KLHDC2: variants seen among roughly 807,000 people sequenced by gnomAD.
KLHDC2 encodes the protein kelch domain containing 2.
Under a neutral mutation model 62.3 loss-of-function variants are expected in KLHDC2, and 38 were observed. The observed-to-expected ratio is 0.61, with a 90% CI of 0.47 to 0.80. The LOEUF (loss-of-function observed/expected upper bound fraction) is 0.80, where lower values mean the gene tolerates loss of function less well. KLHDC2 is among the 30% of genes least tolerant of loss of function. The pLI is 0.00. For missense variants in KLHDC2, 430 were observed against 495.3 expected (o/e 0.87, Z 1.25); for synonymous variants, 159 against 161.0 (o/e 0.99, Z 0.09).
Position 49,783,768 on chromosome 14 carries a change from G to C in KLHDC2, c.*815G>C, listed in dbSNP as rs1890028388. On this transcript the variant is annotated 3_prime_UTR_variant, in exon 13 of 13. Coordinates refer to ENST00000298307, the MANE Select transcript of KLHDC2 (RefSeq NM_014315.3). The stretch of plus-strand genomic sequence containing the variant: ...AATCAGATTACAAGGAAAAAATTAA[G>C]ATCAAACCTGAAGGTCTACAAATGA... The C allele has an allele frequency of 6.6e-6, 1 of 152,020 alleles. No homozygotes were observed. The highest frequency in any genetic ancestry group is 2.1e-4 in the South Asian group (1 of 4,826). The allele number at this position is 152,020 out of a possible 1,614,324, so 9.4% of individuals were successfully genotyped here.
chr14:49,783,058 C>T lies in KLHDC2; in HGVS notation c.*105C>T. On this transcript the variant is annotated 3_prime_UTR_variant, in exon 13 of 13. Transcript: ENST00000298307. ...TTATATGCATTGTTGTAGTTTGCAC[C>T]TGTTGGTTTTAATGTGCATGTGAAT... is the stretch of plus-strand genomic sequence containing the variant. 1 of 1,256,962 alleles carries T rather than the reference C, an allele frequency of 8.0e-7. No individual in the cohort carries two copies. Among genetic ancestry groups the T allele is most frequent in the Non-Finnish European group, 1.1e-6 (1 of 917,192 alleles). 77.9% of individuals were successfully genotyped at this position (1,256,962 alleles called of 1,614,324 possible). A position where few individuals can be genotyped will look rare whatever the true frequency, so the allele number is the denominator to read the frequency against.
intron 8 of KLHDC2, 177 bp downstream of exon 8, chr14:49,779,983 T>C: frequency 1.6e-6 from 1 of 623,664 alleles, no homozygotes; most frequent in Non-Finnish European, 2.8e-6. Context: ...CCTGTAACTA[T>C]GTGCCTAGTA....
chr14:49,774,513 T>G (rs751094364), intron 2 of KLHDC2, 48 bp from the exon 3 acceptor site: 1 of 1,141,054 alleles, frequency 8.8e-7, no homozygotes, highest in Non-Finnish European at 1.3e-6. Context: ...AATAGACTTT[T>G]GCATTTCTTC....
chr14:49,771,494 A>G, intron 1 of KLHDC2, 100 bp from the exon 2 acceptor site: 1 of 632,094 alleles, frequency 1.6e-6, no homozygotes, highest in Non-Finnish European at 2.9e-6. Flanking sequence ...CCTATTTTTC[A>G]TACTAATTAT....
intron 3 of KLHDC2, among the ~76,000 whole-genome samples, chr14:49,777,011 A>G (rs531337850): frequency 5.9e-5 from 9 of 152,174 alleles, no homozygotes; most frequent in Non-Finnish European, 1.0e-4. Flanking sequence ...CCCACCAATC[A>G]ACAAGTGGAT....
Position 49,782,369 on chromosome 14 carries a change from G to T in KLHDC2, c.957-1G>T, listed in dbSNP as rs1477532260. 4 of 1,606,020 alleles carry T rather than the reference G, an allele frequency of 2.5e-6. No individual in the cohort carries two copies. The highest frequency in any genetic ancestry group is 3.4e-6 in the Non-Finnish European group (4 of 1,175,280). ...CAAACTCGTTTTTGTTTTAAATGCA[G>T]GTTATGGCACACAGCTTGTGCCAGC... is the stretch of plus-strand genomic sequence containing the variant. On this transcript the variant is annotated splice_acceptor_variant, in intron 10 of 12. Transcript: ENST00000298307. LOFTEE classifies it high-confidence loss of function.
chr14:49,780,151 AAACTT>A (rs1889858944), intron 8 of KLHDC2, 57 bp from the exon 9 acceptor site: 2 of 1,097,160 alleles, frequency 1.8e-6, no homozygotes, highest in Non-Finnish European at 2.7e-6. Context: ...TTTTAAAAGA[AAACTT>A]AAAAATACAG....
chr14:49,771,507 AATT>A lies in KLHDC2; in HGVS notation c.154-85_154-83del, dbSNP rs374959759. On this transcript the variant is annotated intron_variant, in intron 1 of 12. Coordinates refer to ENST00000298307, the MANE Select transcript of KLHDC2 (RefSeq NM_014315.3). ...TACCTATTTTTCATACTAATTATGA[AATT>A]AGTATCTCAAGATCGATTTAAAAAA... The A allele has an allele frequency of 3.5e-3, 2,323 of 665,086 alleles. 14 individuals carry two copies. The highest frequency in any genetic ancestry group is 4.9e-3 in the South Asian group (277 of 56,066). The allele number at this position is 665,086 out of a possible 1,614,324, so 41.2% of individuals were successfully genotyped here. A position where few individuals can be genotyped will look rare whatever the true frequency, so the allele number is the denominator to read the frequency against.
rs1321485042 is a variant in KLHDC2, at chr14:49,783,539, T to TTTAA, written c.*592_*595dup. The stretch of plus-strand genomic sequence containing the variant: ...TGTCCAGTCAATTAAAAAGTTTTTT[T>TTTAA]TTAATTAATAGGTTTTATAGCTCAT... On this transcript the variant is annotated 3_prime_UTR_variant, in exon 13 of 13. Transcript: ENST00000298307. 5.9e-5 allele frequency: 9 copies of TTTAA among 152,164 alleles called. No homozygotes were observed. Among genetic ancestry groups the TTTAA allele is most frequent in the African/African-American group, 1.4e-4 (6 of 41,428 alleles). 9.4% of individuals were successfully genotyped at this position (152,164 alleles called of 1,614,324 possible).
intron 2 of KLHDC2, among the ~76,000 whole-genome samples, chr14:49,773,868 G>A (rs572474641): frequency 2.6e-5 from 4 of 152,110 alleles, no homozygotes; most frequent in South Asian, 4.1e-4. Context: ...GAGCCACCGC[G>A]CCCAGCCAAA....
At chr14:49,776,733 A>G (rs1189110068) in intron 3 of KLHDC2, among the ~76,000 whole-genome samples, 1 of 152,058 alleles carries the variant, frequency 6.6e-6, no homozygotes, top group African/African-American at 2.4e-5. Flanking sequence ...AGCCTGGCCA[A>G]CATGACAAAA....
chr14:49,785,291 C>G lies in KLHDC2; in HGVS notation c.*2338C>G. On this transcript the variant is annotated 3_prime_UTR_variant, in exon 13 of 13. Coordinates refer to ENST00000298307, the MANE Select transcript of KLHDC2 (RefSeq NM_014315.3). ...ACAGTAGTACATCTTCAGGATGTGGCTGGCCTGTCAAAGAATCAAATAGGT... is the reference window on the plus strand; with the variant it reads ...ACAGTAGTACATCTTCAGGATGTGGGTGGCCTGTCAAAGAATCAAATAGGT... 6.2e-7 allele frequency: 1 copy of G among 1,613,806 alleles called. No homozygotes were observed. Among genetic ancestry groups the G allele is most frequent in the South Asian group, 1.1e-5 (1 of 91,072 alleles).
chr14:49,768,448 T>A lies in KLHDC2; in HGVS notation c.-21T>A, dbSNP rs371609397. Reference sequence around the variant, plus strand: ...CCTCGCGGGTGTGGGCATTGTTGGTTAGCAAAAGTGCAGCCTCAAGATGGC... The same window carrying A: ...CCTCGCGGGTGTGGGCATTGTTGGTAAGCAAAAGTGCAGCCTCAAGATGGC... On this transcript the variant is annotated 5_prime_UTR_variant, in exon 1 of 13. Transcript: ENST00000298307. 4.7e-5 allele frequency: 76 copies of A among 1,605,120 alleles called. 1 individual carries two copies. The South Asian group carries it at 6.2e-4, about 13-fold the overall frequency.
chr14:49,782,188 A>G (rs1889935168), intron 10 of KLHDC2, 182 bp from the exon 11 acceptor site: 3 of 538,502 alleles, frequency 5.6e-6, no homozygotes, highest in Admixed American at 3.6e-5. Flanking sequence ...TAATATCCAG[A>G]TAAAATAGAT....
At chr14:49,769,368 A>AT (rs1889612995) in intron 1 of KLHDC2, among the ~76,000 whole-genome samples, 1 of 152,142 alleles carries the variant, frequency 6.6e-6, no homozygotes, top group African/African-American at 2.4e-5. Flanking sequence ...CTAGAATTTT[A>AT]TTTGCTAGGA....
chr14:49,781,566 AAAT>A (rs1035737054), intron 10 of KLHDC2, among the ~76,000 whole-genome samples: 1 of 151,936 alleles, frequency 6.6e-6, no homozygotes, highest in Admixed American at 6.6e-5. Flanking sequence ...CCATCTCTAC[AAAT>A]AATAGAAAAA....
intron 6 of KLHDC2, 47 bp downstream of exon 6, chr14:49,778,541 TGGGGA>T: frequency 9.5e-6 from 1 of 104,940 alleles, no homozygotes; most frequent in Non-Finnish European, 2.2e-5. Context: ...TTAGAGGCAG[TGGGGA>T]GGGGTGGGGT....
chr14:49,773,041 G>A lies in KLHDC2; in HGVS notation c.233+1368G>A, dbSNP rs367579837. On this transcript the variant is annotated intron_variant, in intron 2 of 12. Coordinates refer to ENST00000298307, the MANE Select transcript of KLHDC2 (RefSeq NM_014315.3). ...AACAAATTGGTGTTAATATGAAGCT[G>A]TTTCTTAATCTTTTTCTAGAGAATT... Among the ~76,000 whole-genome samples the A allele has an allele frequency of 7.6e-4, 115 of 152,248 alleles. 3 individuals are homozygous for A. The South Asian group carries it at 0.023, about 30-fold the overall frequency.
chr14:49,776,042 A>T (rs1889765954), intron 3 of KLHDC2, among the ~76,000 whole-genome samples: 2 of 152,112 alleles, frequency 1.3e-5, no homozygotes, highest in African/African-American at 2.4e-5. Flanking sequence ...CTGTGGGAGG[A>T]GCATATGGTG....
Sources: gnomAD v4.1 joint callset for allele counts (sites outside exome capture counted in the v4.1 genomes callset) on GRCh38, gnomAD v4.1.1 for gene constraint, MANE v1.5 for transcripts, NCBI Gene and HGNC (gene_info 2026-07-23, HGNC 2026-07-21) for gene names.